The following ZNF831 variants were observed in gnomAD, a reference collection of about 807,000 sequenced individuals.
ZNF831 encodes the protein chromosome 20 open reading frame 174.
ZNF831 carries 59 observed loss-of-function variants against 95.8 expected under a neutral mutation model. The observed-to-expected ratio is 0.62, with a 90% CI of 0.50 to 0.77. The LOEUF is 0.77. Ranked by LOEUF, ZNF831 falls within the 30% of genes least tolerant of loss-of-function variation. The pLI, the probability that ZNF831 is intolerant of heterozygous loss-of-function variation, is 0.00. For missense variants in ZNF831, 2,205 were observed against 2,164.0 expected (o/e 1.02, Z -0.38); for synonymous variants, 961 against 925.5 (o/e 1.04, Z -0.70).
chr20:59,164,252 T>TA (rs773299189), intron 1 of ZNF831, among the ~76,000 whole-genome samples, 45 bp downstream of exon 1: 1 of 151,510 alleles, frequency 6.6e-6, no homozygotes, highest in East Asian at 1.9e-4. Flanking sequence ...AAATGTCAGT[T>TA]AAAAAAAAAC....
At chr20:59,189,339 T>A (rs1278547113) in intron 1 of ZNF831, among the ~76,000 whole-genome samples, 1 of 152,210 alleles carries the variant, frequency 6.6e-6, no homozygotes, top group East Asian at 1.9e-4. Flanking sequence ...TTTATTTGTT[T>A]TTAACATTAT....
intron 3 of ZNF831, among the ~76,000 whole-genome samples, chr20:59,203,889 T>A (rs540962818): frequency 6.6e-6 from 1 of 152,292 alleles, no homozygotes; most frequent in East Asian, 1.9e-4. Flanking sequence ...ACTAGAGGCA[T>A]AGAGATCCGG....
At chr20:59,199,115 CTATCTAT>C (rs1984346321) in intron 3 of ZNF831, among the ~76,000 whole-genome samples, 1 of 117,640 alleles carries the variant, frequency 8.5e-6, no homozygotes, top group Non-Finnish European at 1.6e-5. Flanking sequence ...ATCTATCTAT[CTATCTAT>C]CTATCTATCT....
At chr20:59,127,085 T>C (rs367679314) in intron 1 of ZNF831, among the ~76,000 whole-genome samples, 1 of 151,882 alleles carries the variant, frequency 6.6e-6, no homozygotes, top group African/African-American at 2.4e-5. Flanking sequence ...GCTTCTTGGG[T>C]AAATTTCAAC....
chr20:59,150,336 G>A (rs1029335961), intron 2 of ZNF831, among the ~76,000 whole-genome samples: 11 of 152,122 alleles, frequency 7.2e-5, no homozygotes, highest in African/African-American at 1.4e-4. Context: ...GATATAAGTC[G>A]TAATGGAAAC....
intron 5 of ZNF831, 39 bp from the exon 6 acceptor site, chr20:59,253,859 T>TGC (rs1988029008): frequency 3.3e-6 from 3 of 919,022 alleles, no homozygotes; most frequent in South Asian, 4.8e-5. Flanking sequence ...CCAATTAACC[T>TGC]CCCCCCCCAC....
At chr20:59,237,507 C>T (rs1370435313) in intron 4 of ZNF831, among the ~76,000 whole-genome samples, 8 of 152,094 alleles carry the variant, frequency 5.3e-5, no homozygotes, top group East Asian at 1.9e-4. Context: ...CCACCACACC[C>T]GGCTAATTTT....
In ZNF831 at chr20:59,194,033, T is replaced by C; in HGVS notation, c.3014T>C (p.Leu1005Pro). ...GPSPGEADSI[L>P]EDPSCSRPQD... ...TCCCCAGGTGAGGCGGACAGCATCC[T>C]GGAGGACCCCAGCTGTTCCAGGCCA... Residue 1005 changes from leucine to proline, a missense_variant, in exon 2 of 6, where the codon CTG (leucine) becomes CCG (proline). Leu to Pro is a moderately conservative substitution (Grantham distance 98). Transcript: ENST00000371030. The C allele has an allele frequency of 6.5e-7, 1 of 1,526,876 alleles. No homozygotes were observed. Among genetic ancestry groups the C allele is most frequent in the Non-Finnish European group, 8.8e-7 (1 of 1,139,168 alleles). The allele number at this position is 1,526,876 out of a possible 1,614,324, so 94.6% of individuals were successfully genotyped here. A position where few individuals can be genotyped will look rare whatever the true frequency, so the allele number is the denominator to read the frequency against.
chr20:59,136,540 T>C (rs1370176242), intron 1 of ZNF831, among the ~76,000 whole-genome samples: 1 of 152,196 alleles, frequency 6.6e-6, no homozygotes, highest in Non-Finnish European at 1.5e-5. Context: ...ACCCAACTGT[T>C]GCTGCACCTG....
chr20:59,164,054 C>T lies in ZNF831; in HGVS notation c.-190C>T, dbSNP rs1013793746. Among the ~76,000 whole-genome samples, 1 of 152,162 alleles carries T rather than the reference C, an allele frequency of 6.6e-6. No homozygotes were observed. The highest frequency in any genetic ancestry group is 1.5e-5 in the Non-Finnish European group (1 of 68,018). On this transcript the variant is annotated 5_prime_UTR_variant, in exon 1 of 6. The change creates a premature stop within an existing upstream ORF in the 5' untranslated region. Coordinates refer to ENST00000371030, the MANE Select transcript of ZNF831 (RefSeq NM_178457.3). Reference sequence around the variant, plus strand: ...TCAGCAAAGAGTAGCGAGCTCCCTACAGAGAGTGAGAGCACGGGCTCTTGA... The same window carrying T: ...TCAGCAAAGAGTAGCGAGCTCCCTATAGAGAGTGAGAGCACGGGCTCTTGA...
upstream of ZNF831, among the ~76,000 whole-genome samples, chr20:59,161,309 G>A (rs186553735): frequency 1.3e-3 from 194 of 151,232 alleles, no homozygotes; most frequent in South Asian, 0.01. Flanking sequence ...ATGGAGTCCC[G>A]CTCTGTAGTC....
chr20:59,234,748 T>C (rs1051818893), intron 4 of ZNF831, among the ~76,000 whole-genome samples: 10 of 152,190 alleles, frequency 6.6e-5, no homozygotes, highest in African/African-American at 1.2e-4. Flanking sequence ...ACCTAAGGAA[T>C]TGGGCAGTTG....
At chr20:59,138,442 GC>G (rs1337038023) in intron 1 of ZNF831, among the ~76,000 whole-genome samples, 1 of 152,182 alleles carries the variant, frequency 6.6e-6, no homozygotes, top group Admixed American at 6.5e-5. Flanking sequence ...AGTCTCGCTG[GC>G]CCCCGTCCCC....
At chr20:59,156,673 C>T (rs1279687723) in intron 2 of ZNF831, among the ~76,000 whole-genome samples, 1 of 152,220 alleles carries the variant, frequency 6.6e-6, no homozygotes, top group South Asian at 2.1e-4. Flanking sequence ...CCCCATTTCT[C>T]CTCCCCTACT....
intron 1 of ZNF831, among the ~76,000 whole-genome samples, chr20:59,124,901 C>T (rs1381797805): frequency 2.0e-5 from 3 of 152,188 alleles, no homozygotes; most frequent in Admixed American, 6.5e-5. Flanking sequence ...ATCCCATCCC[C>T]GTGCACGGGG....
intron 4 of ZNF831, among the ~76,000 whole-genome samples, chr20:59,212,615 C>T (rs1466214048): frequency 6.6e-6 from 1 of 152,208 alleles, no homozygotes; most frequent in Non-Finnish European, 1.5e-5. Context: ...CACTTAATCT[C>T]ATAGACTGGG....
chr20:59,147,206 G>C (rs1446034556), intron 2 of ZNF831, among the ~76,000 whole-genome samples: 1 of 152,244 alleles, frequency 6.6e-6, no homozygotes, highest in Admixed American at 6.5e-5. Flanking sequence ...ATTCTGTGCA[G>C]TCAGGGGATG....
chr20:59,179,643 C>T (rs1215580224), intron 1 of ZNF831, among the ~76,000 whole-genome samples: 1 of 152,090 alleles, frequency 6.6e-6, no homozygotes, highest in Non-Finnish European at 1.5e-5. Context: ...CCCATCTCTG[C>T]CTCCGTCCTC....
At chr20:59,145,961 C>T (rs112215703) in intron 1 of ZNF831, among the ~76,000 whole-genome samples, 109 of 151,830 alleles carry the variant, frequency 7.2e-4, no homozygotes, top group Admixed American at 1.8e-3. Context: ...CCATTTGTAC[C>T]GGATGGTTTT....
Sources: gnomAD v4.1 joint callset for allele counts (sites outside exome capture counted in the v4.1 genomes callset) on GRCh38, gnomAD v4.1.1 for gene constraint, MANE v1.5 for transcripts, NCBI Gene and HGNC (gene_info 2026-07-23, HGNC 2026-07-21) for gene names.